DGKB: variants seen among roughly 807,000 people sequenced by gnomAD.
The protein encoded by DGKB is diacylglycerol kinase beta.
A neutral mutation model predicts 114.3 loss-of-function variants in DGKB; 67 were observed. That is an observed-to-expected ratio of 0.59 (90% CI 0.48 to 0.72). DGKB has a LOEUF of 0.72. Among genes scored for constraint, DGKB ranks in the 30% least tolerant of loss-of-function variants. The pLI is 0.00. For synonymous variants in DGKB, 398 were observed against 323.1 expected (o/e 1.23, Z -2.49); for missense variants, 907 against 975.2 (o/e 0.93, Z 0.93).
At chr7:14,295,009 T>G (rs1802316727) in intron 23 of DGKB, among the ~76,000 whole-genome samples, 1 of 152,136 alleles carries the variant, frequency 6.6e-6, no homozygotes, top group African/African-American at 2.4e-5. Context: ...AGGAAGGGCA[T>G]CCATCAACAG....
At chr7:14,850,820 A>C (rs1849254678) in intron 1 of DGKB, among the ~76,000 whole-genome samples, 1 of 152,208 alleles carries the variant, frequency 6.6e-6, no homozygotes, top group African/African-American at 2.4e-5. Context: ...TTTATAGACT[A>C]AGGAATCTAA....
intron 22 of DGKB, among the ~76,000 whole-genome samples, chr7:14,341,311 G>A (rs1425031373): frequency 1.3e-5 from 2 of 151,766 alleles, no homozygotes; most frequent in Admixed American, 6.6e-5. Context: ...CATTAGTCTG[G>A]AAAATTTCAG....
chr7:14,665,620 T>G (rs1217500342), intron 13 of DGKB, among the ~76,000 whole-genome samples: 1 of 151,992 alleles, frequency 6.6e-6, no homozygotes, highest in Non-Finnish European at 1.5e-5. Flanking sequence ...AGAAATGATT[T>G]TTGTGATAAT....
At chr7:14,843,874 G>A (rs1237289178) in intron 1 of DGKB, among the ~76,000 whole-genome samples, 3 of 136,642 alleles carry the variant, frequency 2.2e-5, no homozygotes, top group Non-Finnish European at 4.7e-5. Flanking sequence ...ACAGTTACAC[G>A]AAAGGCAGTC....
At chr7:14,812,874 T>C (rs992276631) in intron 2 of DGKB, among the ~76,000 whole-genome samples, 9 of 152,186 alleles carry the variant, frequency 5.9e-5, no homozygotes, top group African/African-American at 2.2e-4. Flanking sequence ...TTTTGCAGCA[T>C]CAGTTAAGTG....
chr7:14,773,800 T>C lies in DGKB; in HGVS notation c.71-16069A>G, dbSNP rs998047678. ...TGGGTCATAAATAAATATATATATA[T>C]ACTTGGCCTACATTTTGTGGGAAAT... On this transcript the variant is annotated intron_variant, in intron 2 of 25. Coordinates refer to ENST00000402815, the MANE Select transcript of DGKB (RefSeq NM_001350709.2). Among the ~76,000 whole-genome samples the C allele has an allele frequency of 6.6e-5, 10 of 152,236 alleles. No homozygotes were observed. The East Asian group carries it at 9.7e-4, about 15-fold the overall frequency.
At chr7:14,276,829 A>AATT (rs1268923391) in intron 23 of DGKB, among the ~76,000 whole-genome samples, 3 of 151,862 alleles carry the variant, frequency 2.0e-5, no homozygotes, top group African/African-American at 7.2e-5. Flanking sequence ...ATATTTTTAA[A>AATT]ATTATTATTA....
intron 23 of DGKB, among the ~76,000 whole-genome samples, chr7:14,304,087 A>ACACTCTCTCTCTCT (rs140836395): frequency 1.8e-5 from 2 of 110,072 alleles, no homozygotes; most frequent in East Asian, 2.8e-4. Flanking sequence ...ACACACACAC[A>ACACTCTCTCTCTCT]CTCTCTCTCT....
At chr7:14,891,332 T>C (rs1375059297) in intron 1 of DGKB, among the ~76,000 whole-genome samples, 1 of 151,444 alleles carries the variant, frequency 6.6e-6, no homozygotes, top group Non-Finnish European at 1.5e-5. Flanking sequence ...TCATCATCCC[T>C]AATCAAGAAA....
At chr7:14,956,028 A>G (rs1786485979) in intron 1 of DGKB, among the ~76,000 whole-genome samples, 1 of 151,992 alleles carries the variant, frequency 6.6e-6, no homozygotes, top group Non-Finnish European at 1.5e-5. Context: ...AGACAGATAT[A>G]CAAATAACAT....
At chr7:14,925,611 G>A (rs865782683) in intron 1 of DGKB, among the ~76,000 whole-genome samples, 4 of 151,968 alleles carry the variant, frequency 2.6e-5, no homozygotes, top group African/African-American at 7.2e-5. Flanking sequence ...TATTCTATAC[G>A]TCTTTGGTGA....
intron 21 of DGKB, among the ~76,000 whole-genome samples, chr7:14,473,278 A>G (rs367799766): frequency 6.6e-6 from 1 of 152,162 alleles, no homozygotes; most frequent in East Asian, 1.9e-4. Context: ...AGGGGCCAAC[A>G]TAGAGCTCAA....
intron 23 of DGKB, among the ~76,000 whole-genome samples, chr7:14,220,600 C>T (rs997414005): frequency 1.3e-5 from 2 of 151,390 alleles, no homozygotes; most frequent in East Asian, 1.9e-4. Context: ...ATTATTTTGG[C>T]CTGAATCTCT....
At chr7:14,501,639 C>G (rs887833555) in intron 20 of DGKB, among the ~76,000 whole-genome samples, 2 of 151,888 alleles carry the variant, frequency 1.3e-5, no homozygotes, top group African/African-American at 4.8e-5. Context: ...AAACAAGAAA[C>G]TGGCAATACG....
chr7:14,586,548 G>C (rs61482057), intron 17 of DGKB, among the ~76,000 whole-genome samples: 8,451 of 152,162 alleles, frequency 0.056, 798 homozygotes, highest in African/African-American at 0.19. Flanking sequence ...TTTCAATGTA[G>C]ACAACATAGC....
At chr7:14,394,166 G>A (rs1563091758) in intron 21 of DGKB, among the ~76,000 whole-genome samples, 3 of 152,072 alleles carry the variant, frequency 2.0e-5, no homozygotes, top group Non-Finnish European at 2.9e-5. Flanking sequence ...ACTTTTGCCT[G>A]TCCAAATTTA....
At chr7:14,444,985 A>C (rs556112444) in intron 21 of DGKB, among the ~76,000 whole-genome samples, 230 of 152,040 alleles carry the variant, frequency 1.5e-3, no homozygotes, top group African/African-American at 5.4e-3. Flanking sequence ...TACTAGTTCA[A>C]AGTGCCATTT....
At chr7:14,640,306 A>ATTT (rs1448826044) in intron 13 of DGKB, among the ~76,000 whole-genome samples, 13 of 152,340 alleles carry the variant, frequency 8.5e-5, no homozygotes, top group African/African-American at 3.1e-4. Flanking sequence ...AGAATACTAG[A>ATTT]ATGAAAGAAA....
At chr7:14,402,708 C>T (rs1823329417) in intron 21 of DGKB, among the ~76,000 whole-genome samples, 1 of 151,794 alleles carries the variant, frequency 6.6e-6, no homozygotes, top group Non-Finnish European at 1.5e-5. Context: ...GGGTATGATA[C>T]CCAGTTTGGC....
Sources: gnomAD v4.1 joint callset for allele counts (sites outside exome capture counted in the v4.1 genomes callset) on GRCh38, gnomAD v4.1.1 for gene constraint, MANE v1.5 for transcripts, NCBI Gene and HGNC (gene_info 2026-07-23, HGNC 2026-07-21) for gene names.